ALG9: variants seen among roughly 807,000 people sequenced by gnomAD.
ALG9 encodes ALG9 alpha-1,2-mannosyltransferase.
In ALG9, 55 loss-of-function variants were observed where a neutral mutation model predicts 81.8. That is an observed-to-expected ratio of 0.67 (90% CI 0.54 to 0.84). ALG9 has a LOEUF of 0.84. Ranked by LOEUF, ALG9 falls within the 40% of genes least tolerant of loss-of-function variation. The pLI, the probability that ALG9 is intolerant of heterozygous loss-of-function variation, is 0.00. For synonymous variants in ALG9, 278 were observed against 274.3 expected, an observed-to-expected ratio of 1.01 and a Z score of -0.13; for missense variants, 629 against 745.0, an observed-to-expected ratio of 0.84 and a Z score of 1.81.
intron 13 of ALG9, 32 bp downstream of exon 13, chr11:111,836,133 T>C: frequency 6.2e-7 from 1 of 1,613,334 alleles, no homozygotes; most frequent in Non-Finnish European, 8.5e-7. Context: ...AGAATTCTTT[T>C]CAGAGAAGCA....
At chr11:111,800,571 C>T (rs1183128508) in intron 14 of ALG9, among the ~76,000 whole-genome samples, 2 of 151,932 alleles carry the variant, frequency 1.3e-5, no homozygotes, top group African/African-American at 2.4e-5. Context: ...GATCTCCAAA[C>T]CTGCCTAACC....
At chr11:111,786,610 G>T in intron 14 of ALG9, 90 bp from the exon 15 acceptor site, 1 of 1,366,634 alleles carries the variant, frequency 7.3e-7, no homozygotes, top group Non-Finnish European at 1.0e-6. Context: ...AAACTAATCT[G>T]TAGTAAGGAT....
intron 14 of ALG9, among the ~76,000 whole-genome samples, chr11:111,789,292 C>T (rs782517776): frequency 2.0e-5 from 3 of 151,976 alleles, no homozygotes; most frequent in Admixed American, 2.0e-4. Context: ...CGCTCTGTTG[C>T]CCATGCTAGA....
chr11:111,870,669 T>G (rs1964037533), intron 1 of ALG9: 1 of 914,150 alleles, frequency 1.1e-6, no homozygotes, highest in Non-Finnish European at 1.4e-6. Flanking sequence ...CTTTAATCAC[T>G]CAATCACTCC....
At chr11:111,805,200 G>C (rs1949734315) in intron 14 of ALG9, 1 of 455,286 alleles carries the variant, frequency 2.2e-6, no homozygotes, top group South Asian at 1.6e-5. Flanking sequence ...TAGAGAGCTA[G>C]CTTGTCTTCT....
chr11:111,804,174 A>ACAAC (rs1949584490), intron 14 of ALG9, among the ~76,000 whole-genome samples: 1 of 151,874 alleles, frequency 6.6e-6, no homozygotes, highest in South Asian at 2.1e-4. Flanking sequence ...ACAAAACTGA[A>ACAAC]AGTATAAAAC....
At chr11:111,830,040 G>A (rs1954083127) in intron 13 of ALG9, among the ~76,000 whole-genome samples, 1 of 152,312 alleles carries the variant, frequency 6.6e-6, no homozygotes, top group Non-Finnish European at 1.5e-5. Flanking sequence ...AAATTGGAAA[G>A]GGAAGCAAAG....
chr11:111,796,381 C>T (rs1372743379), intron 14 of ALG9, among the ~76,000 whole-genome samples: 3 of 152,128 alleles, frequency 2.0e-5, no homozygotes, highest in African/African-American at 7.2e-5. Flanking sequence ...AGTGGTGGTC[C>T]TAAAACATGT....
At chr11:111,836,130 T>G in intron 13 of ALG9, 35 bp downstream of exon 13, 2 of 1,613,140 alleles carry the variant, frequency 1.2e-6, no homozygotes, top group Non-Finnish European at 1.7e-6. Flanking sequence ...CATAGAATTC[T>G]TTTCAGAGAA....
intron 1 of ALG9, 25 bp from the exon 2 acceptor site, chr11:111,870,395 A>AC: frequency 7.9e-6 from 12 of 1,520,996 alleles, no homozygotes; most frequent in African/African-American, 1.4e-5. Flanking sequence ...AAAAAAAAAA[A>AC]AAAAAAAAAG....
chr11:111,871,040 C>T, intron 1 of ALG9: 3 of 1,096,640 alleles, frequency 2.7e-6, no homozygotes, highest in Non-Finnish European at 3.3e-6. Flanking sequence ...GAGGAACAGC[C>T]GTAAAAGGTA....
chr11:111,808,143 G>T (rs545563767), intron 14 of ALG9, among the ~76,000 whole-genome samples: 2 of 152,052 alleles, frequency 1.3e-5, no homozygotes, highest in South Asian at 2.1e-4. Flanking sequence ...TAGAAATTAT[G>T]TATCAGATAC....
intron 13 of ALG9, among the ~76,000 whole-genome samples, chr11:111,815,428 G>A (rs1421069750): frequency 6.6e-5 from 10 of 152,010 alleles, no homozygotes; most frequent in Middle Eastern, 3.2e-3. Flanking sequence ...GAAAGACACC[G>A]AAGCAAAATC....
the ALG9 span, among the ~76,000 whole-genome samples, chr11:111,772,330 G>A: frequency 6.6e-6 from 1 of 152,246 alleles, no homozygotes; most frequent in Non-Finnish European, 1.5e-5. Flanking sequence ...GGAGGGTGAG[G>A]TGGGAGAATC....
At chr11:111,830,064 C>G (rs1954086611) in intron 13 of ALG9, among the ~76,000 whole-genome samples, 1 of 152,180 alleles carries the variant, frequency 6.6e-6, no homozygotes, top group South Asian at 2.1e-4. Context: ...TGTCAATGGT[C>G]TTAGAAATTC....
intron 10 of ALG9, among the ~76,000 whole-genome samples, chr11:111,838,830 C>T (rs1472773106): frequency 6.6e-6 from 1 of 151,906 alleles, no homozygotes; most frequent in Non-Finnish European, 1.5e-5. Flanking sequence ...AAAGAATTCC[C>T]CTTATAGAAC....
chr11:111,830,262 T>A (rs1954119133), intron 13 of ALG9, among the ~76,000 whole-genome samples: 1 of 152,206 alleles, frequency 6.6e-6, no homozygotes, highest in African/African-American at 2.4e-5. Context: ...ATTTCAAGTA[T>A]TTTTCTGTCT....
At chr11:111,781,426 T>C (rs1213733313), downstream of ALG9, among the ~76,000 whole-genome samples, 1 of 152,162 alleles carries the variant, frequency 6.6e-6, no homozygotes, top group Non-Finnish European at 1.5e-5. Context: ...ACACATGCCA[T>C]TTCTAAAATA....
chr11:111,777,904 C>A (rs1390209746), downstream of ALG9, among the ~76,000 whole-genome samples: 1 of 152,166 alleles, frequency 6.6e-6, no homozygotes, highest in Non-Finnish European at 1.5e-5. Context: ...ACACATTTCA[C>A]GTCATTTCTC....
Sources: allele counts gnomAD v4.1 joint callset (sites outside exome capture counted in the v4.1 genomes callset), GRCh38; gene constraint gnomAD v4.1.1; transcripts MANE v1.5; gene names NCBI Gene and HGNC (gene_info 2026-07-23, HGNC 2026-07-21).